Variants in KCNAB1 observed in about 807,000 individuals in gnomAD.
The protein encoded by KCNAB1 is potassium voltage-gated channel subfamily A regulatory beta subunit 1.
KCNAB1 carries 35 observed loss-of-function variants against 64.6 expected under a neutral mutation model. That is an observed-to-expected ratio of 0.54 (90% CI 0.41 to 0.72). KCNAB1 has a LOEUF of 0.72. Among genes scored for constraint, KCNAB1 ranks in the 30% least tolerant of loss-of-function variants. The pLI is 0.00. For synonymous variants in KCNAB1, 177 were observed against 183.8 expected (o/e 0.96, Z 0.30); for missense variants, 401 against 512.9 (o/e 0.78, Z 2.11).
intron 1 of KCNAB1, chr3:156,291,424 C>G: frequency 9.9e-7 from 1 of 1,008,298 alleles, no homozygotes; most frequent in Non-Finnish European, 1.2e-6. Context: ...GCCTGTGGTC[C>G]AGGGGATGCT....
At chr3:156,164,598 G>T (rs1328205866) in intron 1 of KCNAB1, among the ~76,000 whole-genome samples, 1 of 152,188 alleles carries the variant, frequency 6.6e-6, no homozygotes, top group African/African-American at 2.4e-5. Context: ...AAAGATCCGT[G>T]AAGGAATTAT....
At chr3:156,392,027 G>C (rs558532348) in intron 1 of KCNAB1, among the ~76,000 whole-genome samples, 1 of 152,306 alleles carries the variant, frequency 6.6e-6, no homozygotes, top group Admixed American at 6.5e-5. Flanking sequence ...TATAAAGCAT[G>C]ATTTCTCATT....
chr3:156,182,636 C>CCG (rs201297953), intron 1 of KCNAB1, among the ~76,000 whole-genome samples: 1 of 151,662 alleles, frequency 6.6e-6, no homozygotes, highest in Non-Finnish European at 1.5e-5. Flanking sequence ...TTTTCCCCCC[C>CCG]CCGGGTCTTA....
chr3:156,285,605 A>T (rs1057235323), intron 1 of KCNAB1, among the ~76,000 whole-genome samples: 1 of 152,046 alleles, frequency 6.6e-6, no homozygotes, highest in Non-Finnish European at 1.5e-5. Context: ...GGCTCAAGTG[A>T]TCCTCCCACC....
chr3:156,131,757 G>A (rs1714009230), intron 1 of KCNAB1, among the ~76,000 whole-genome samples: 1 of 152,206 alleles, frequency 6.6e-6, no homozygotes, highest in African/African-American at 2.4e-5. Flanking sequence ...AAAAGAGAAA[G>A]TTTGTTTCTT....
intron 1 of KCNAB1, among the ~76,000 whole-genome samples, chr3:156,326,821 A>G (rs1311164212): frequency 6.6e-6 from 1 of 152,078 alleles, no homozygotes; most frequent in Non-Finnish European, 1.5e-5. Context: ...AATCACTGTC[A>G]TTGTCTATCT....
chr3:156,249,100 C>T (rs1353095122), intron 1 of KCNAB1, among the ~76,000 whole-genome samples: 4 of 151,030 alleles, frequency 2.6e-5, no homozygotes, highest in Non-Finnish European at 4.4e-5. Context: ...ACCTGGAAGT[C>T]AGAATAAGAG....
At chr3:156,509,690 A>G (rs1361226483) in intron 8 of KCNAB1, among the ~76,000 whole-genome samples, 2 of 152,182 alleles carry the variant, frequency 1.3e-5, no homozygotes, top group Admixed American at 1.3e-4. Context: ...GGAGAGTCAC[A>G]TTCAGTACTG....
chr3:156,287,103 C>T (rs892653986), intron 1 of KCNAB1, among the ~76,000 whole-genome samples: 1 of 152,074 alleles, frequency 6.6e-6, no homozygotes, highest in African/African-American at 2.4e-5. Context: ...CAACTGACTG[C>T]ACACCCTAAA....
chr3:156,470,345 A>C lies in KCNAB1; in HGVS notation c.572-4389A>C, dbSNP rs115037877. Reference sequence around the variant, plus strand: ...AAACCCCAATTTGAGCCAATCTTAGAATTTAGCAGAACAGATTCCTTTGGT... The same window carrying C: ...AAACCCCAATTTGAGCCAATCTTAGCATTTAGCAGAACAGATTCCTTTGGT... On this transcript the variant is annotated intron_variant, in intron 7 of 13. Transcript: ENST00000490337. 6.8e-3 allele frequency among the ~76,000 whole-genome samples: 1,040 copies of C among 152,288 alleles called. 7 individuals carry two copies. Among genetic ancestry groups the C allele is most frequent in the Middle Eastern group, 0.024 (7 of 294 alleles).
intron 1 of KCNAB1, among the ~76,000 whole-genome samples, chr3:156,147,256 T>A (rs1346131520): frequency 6.6e-6 from 1 of 152,194 alleles, no homozygotes; most frequent in Non-Finnish European, 1.5e-5. Context: ...TGCTCCATAA[T>A]GGCACACCTC....
intron 1 of KCNAB1, among the ~76,000 whole-genome samples, chr3:156,183,904 C>A (rs1402251426): frequency 1.3e-5 from 2 of 152,216 alleles, no homozygotes; most frequent in Non-Finnish European, 2.9e-5. Context: ...CCACCACTTA[C>A]AGAATACGTG....
chr3:156,248,233 C>A (rs1238843415), intron 1 of KCNAB1, among the ~76,000 whole-genome samples: 2 of 152,162 alleles, frequency 1.3e-5, no homozygotes, highest in Non-Finnish European at 2.9e-5. Context: ...TTACTAATTG[C>A]AATGTAGCAT....
At chr3:156,269,620 T>G (rs975120461) in intron 1 of KCNAB1, among the ~76,000 whole-genome samples, 1 of 152,198 alleles carries the variant, frequency 6.6e-6, no homozygotes, top group Non-Finnish European at 1.5e-5. Flanking sequence ...ATTATTTTAG[T>G]GCTAATAATG....
chr3:156,133,265 A>G (rs947722179), intron 1 of KCNAB1, among the ~76,000 whole-genome samples: 2 of 152,252 alleles, frequency 1.3e-5, no homozygotes, highest in African/African-American at 4.8e-5. Context: ...CGATGTGACT[A>G]TCCAAACACC....
At chr3:156,149,300 G>C (rs1410052817) in intron 1 of KCNAB1, among the ~76,000 whole-genome samples, 1 of 152,144 alleles carries the variant, frequency 6.6e-6, no homozygotes, top group East Asian at 1.9e-4. Flanking sequence ...AAACAGGAAG[G>C]AAGCTTCCAG....
intron 1 of KCNAB1, among the ~76,000 whole-genome samples, chr3:156,323,025 G>A (rs1247325676): frequency 6.6e-6 from 1 of 152,180 alleles, no homozygotes; most frequent in East Asian, 1.9e-4. Flanking sequence ...TTCCAAGAGT[G>A]TGAATCTGCA....
At chr3:156,123,041 T>C (rs78560819) in intron 1 of KCNAB1, among the ~76,000 whole-genome samples, 1,804 of 152,344 alleles carry the variant, frequency 0.012, 35 homozygotes, top group African/African-American at 0.041. Context: ...TTTCTTTCAT[T>C]TGTAAATGTC....
At chr3:156,133,138 C>T (rs1398832931) in intron 1 of KCNAB1, among the ~76,000 whole-genome samples, 3 of 152,186 alleles carry the variant, frequency 2.0e-5, no homozygotes, top group African/African-American at 7.2e-5. Flanking sequence ...GTCCAAAGGG[C>T]TGTTGAATTA....
Sources: allele counts gnomAD v4.1 joint callset (sites outside exome capture counted in the v4.1 genomes callset), GRCh38; gene constraint gnomAD v4.1.1; transcripts MANE v1.5; gene names NCBI Gene and HGNC (gene_info 2026-07-23, HGNC 2026-07-21).